GGA2: variants seen among roughly 807,000 people sequenced by gnomAD.
GGA2 encodes golgi associated, gamma adaptin ear containing, ARF binding protein 2.
GGA2 carries 48 observed loss-of-function variants against 79.5 expected under a neutral mutation model. The observed-to-expected ratio is 0.60, with a 90% CI of 0.48 to 0.77. The LOEUF is 0.77. GGA2 is among the 30% of genes least tolerant of loss of function. GGA2 has a pLI of 0.00. For missense variants in GGA2, 770 were observed against 774.0 expected (o/e 0.99, Z 0.06); for synonymous variants, 317 against 302.0 (o/e 1.05, Z -0.51).
chr16:23,502,199 C>T (rs576931392), intron 1 of GGA2, among the ~76,000 whole-genome samples: 1 of 152,214 alleles, frequency 6.6e-6, no homozygotes, highest in African/African-American at 2.4e-5. Flanking sequence ...CGGGGCAAGG[C>T]TGTCATTACT....
At chr16:23,493,269 G>C (rs146067806) in intron 4 of GGA2, 91 bp downstream of exon 4, 2 of 793,126 alleles carry the variant, frequency 2.5e-6, no homozygotes, top group Non-Finnish European at 2.3e-6. Flanking sequence ...TTGTCCATGC[G>C]TGGGCCTGCC....
At chr16:23,480,547 C>A (rs1008056142) in intron 10 of GGA2, 98 bp downstream of exon 10, 2 of 1,048,234 alleles carry the variant, frequency 1.9e-6, no homozygotes, top group Non-Finnish European at 2.8e-6. Context: ...TCTCTCATTT[C>A]TATTCCTTAA....
intron 8 of GGA2, among the ~76,000 whole-genome samples, chr16:23,485,792 G>C (rs1183688050): frequency 6.6e-6 from 1 of 152,202 alleles, no homozygotes; most frequent in Non-Finnish European, 1.5e-5. Flanking sequence ...AAGAGTCTGG[G>C]AGTTGTCAGC....
intron 1 of GGA2, among the ~76,000 whole-genome samples, 153 bp from the exon 2 acceptor site, chr16:23,495,931 G>A (rs1285288483): frequency 6.6e-6 from 1 of 152,198 alleles, no homozygotes; most frequent in African/African-American, 2.4e-5. Context: ...TGCCTGCGCT[G>A]CCTACCACCA....
rs1216011551 is a variant in GGA2 at position 23,466,426 on chromosome 16, C to T, written c.*1164G>A. 1 of 152,340 alleles carries T rather than the reference C, an allele frequency of 6.6e-6. No individual in the cohort carries two copies. Among genetic ancestry groups the T allele is most frequent in the Non-Finnish European group, 1.5e-5 (1 of 68,042 alleles). The allele number at this position is 152,340 out of a possible 1,614,324, so 9.4% of individuals were successfully genotyped here. The stretch of plus-strand genomic sequence containing the variant: ...TCAACAAATATCCACCTCTCCTGTC[C>T]AGCTTGCCTCAGATCTTCAGGTTCT... On this transcript the variant is annotated 3_prime_UTR_variant, in exon 17 of 17. Transcript: ENST00000309859.
At chr16:23,478,225 CA>C (rs111229895) in intron 13 of GGA2, 142 bp downstream of exon 13, 69,035 of 445,162 alleles carry the variant, frequency 0.16, 8 homozygotes, top group East Asian at 0.21. Flanking sequence ...GAAAAAAAGA[CA>C]AAAAAAAAAA....
At chr16:23,491,644 A>G in intron 5 of GGA2, 33 bp downstream of exon 5, 1 of 1,607,860 alleles carries the variant, frequency 6.2e-7, no homozygotes, top group South Asian at 1.1e-5. Flanking sequence ...GGCCTAGTCA[A>G]GAGGAAATAA....
intron 13 of GGA2, among the ~76,000 whole-genome samples, chr16:23,477,827 GA>G (rs1183590030): frequency 5.9e-5 from 9 of 152,146 alleles, no homozygotes; most frequent in Admixed American, 2.6e-4. Context: ...ATGGAACTAT[GA>G]GTCCATTAAA....
At chr16:23,481,163 G>C (rs1964642983) in intron 9 of GGA2, among the ~76,000 whole-genome samples, 1 of 152,194 alleles carries the variant, frequency 6.6e-6, no homozygotes, top group South Asian at 2.1e-4. Context: ...TGGATCACCT[G>C]AGGTCAGGAG....
chr16:23,500,427 T>A (rs1236756260), intron 1 of GGA2, among the ~76,000 whole-genome samples: 1 of 152,056 alleles, frequency 6.6e-6, no homozygotes, highest in East Asian at 1.9e-4. Context: ...GGCTCTGACA[T>A]CTATGAGGCG....
intron 1 of GGA2, among the ~76,000 whole-genome samples, chr16:23,502,892 T>C (rs1485853415): frequency 2.6e-5 from 4 of 152,194 alleles, no homozygotes; most frequent in African/African-American, 7.2e-5. Context: ...TCTTTTTTTC[T>C]TACAAGAACA....
chr16:23,479,944 C>A, intron 10 of GGA2, 57 bp from the exon 11 acceptor site: 1 of 1,580,108 alleles, frequency 6.3e-7, no homozygotes, highest in Non-Finnish European at 8.7e-7. Context: ...AAAGTCTCCA[C>A]ATAAATCCTA....
chr16:23,494,261 C>G (rs1964826055), intron 3 of GGA2, 42 bp downstream of exon 3: 1 of 1,305,412 alleles, frequency 7.7e-7, no homozygotes, highest in Non-Finnish European at 1.1e-6. Flanking sequence ...CTCTATAGCA[C>G]AAGGACAGGA....
intron 1 of GGA2, among the ~76,000 whole-genome samples, chr16:23,506,833 G>A (rs1320120220): frequency 1.3e-5 from 2 of 152,138 alleles, no homozygotes; most frequent in Non-Finnish European, 2.9e-5. Flanking sequence ...CAATCATCTT[G>A]ATCTCCTTCG....
intron 13 of GGA2, 124 bp from the exon 14 acceptor site, chr16:23,475,185 A>T: frequency 8.4e-6 from 4 of 477,830 alleles, no homozygotes; most frequent in East Asian, 4.1e-5. Flanking sequence ...TAGATGTTAT[A>T]TGCCTTTTTT....
rs1475178748 is a variant in GGA2, at chr16:23,488,724, T to C, written c.476-15A>G. On this transcript the variant is annotated splice_polypyrimidine_tract_variant and intron_variant, in intron 5 of 16. Coordinates refer to ENST00000309859, the MANE Select transcript of GGA2 (RefSeq NM_015044.4). ...TTTTATAATTCCTAAAAATGCAATT[T>C]ACAAAGTTAAGACACCGATATGGTA... 7.0e-7 allele frequency: 1 copy of C among 1,436,246 alleles called. No homozygotes were observed. Among genetic ancestry groups the C allele is most frequent in the Admixed American group, 1.7e-5 (1 of 59,090 alleles). The allele number at this position is 1,436,246 out of a possible 1,614,324, so 89.0% of individuals were successfully genotyped here. A position where few individuals can be genotyped will look rare whatever the true frequency, so the allele number is the denominator to read the frequency against.
At chr16:23,495,375 T>C (rs1964841927) in intron 2 of GGA2, 1 of 190,434 alleles carries the variant, frequency 5.3e-6, no homozygotes, top group Non-Finnish European at 1.1e-5. Context: ...TCCTGTGTTT[T>C]TTTTCCCCCA....
At chr16:23,477,045 G>A (rs1014360164) in intron 13 of GGA2, among the ~76,000 whole-genome samples, 1 of 152,070 alleles carries the variant, frequency 6.6e-6, no homozygotes, top group African/African-American at 2.4e-5. Context: ...TCGACTTTCC[G>A]GGCTCAAGTG....
At chr16:23,516,334 G>A (rs1245908890) in intron 2 of GGA2, among the ~76,000 whole-genome samples, 1 of 152,010 alleles carries the variant, frequency 6.6e-6, no homozygotes, top group Non-Finnish European at 1.5e-5. Flanking sequence ...ATAATTTGGT[G>A]AGGCACTATC....
Sources: gnomAD v4.1 joint callset for allele counts (sites outside exome capture counted in the v4.1 genomes callset) on GRCh38, gnomAD v4.1.1 for gene constraint, MANE v1.5 for transcripts, NCBI Gene and HGNC (gene_info 2026-07-23, HGNC 2026-07-21) for gene names.